The following WWOX variants were observed in gnomAD, a reference collection of about 807,000 sequenced individuals.
WWOX encodes WW domain containing oxidoreductase.
Under a neutral mutation model 46.2 loss-of-function variants are expected in WWOX, and 69 were observed. That is an observed-to-expected ratio of 1.49 (90% CI 1.23 to 1.82). The LOEUF is 1.82. WWOX is among the 40% of genes most tolerant of loss of function. The pLI is 0.00. For missense variants in WWOX, 919 were observed against 542.6 expected, an observed-to-expected ratio of 1.69 and a Z score of -6.89; for synonymous variants, 359 against 202.6, an observed-to-expected ratio of 1.77 and a Z score of -6.56.
intron 8 of WWOX, among the ~76,000 whole-genome samples, chr16:79,201,019 C>T (rs923305871): frequency 6.6e-6 from 1 of 152,124 alleles, no homozygotes; most frequent in African/African-American, 2.4e-5. Flanking sequence ...CAGGAAATGG[C>T]CAAATGTTAT....
chr16:78,630,845 G>C (rs4622523), intron 8 of WWOX, among the ~76,000 whole-genome samples: 61,450 of 150,568 alleles, frequency 0.41, 14,447 homozygotes, highest in African/African-American at 0.66. Context: ...CAAATACTGG[G>C]TGAATGAACG....
chr16:78,744,417 C>T (rs116276346), intron 8 of WWOX, among the ~76,000 whole-genome samples: 2 of 140,372 alleles, frequency 1.4e-5, no homozygotes, highest in Non-Finnish European at 3.0e-5. Flanking sequence ...CCATGGTCCA[C>T]ACTGCTTTTT....
At chr16:78,649,495 T>A (rs191429850) in intron 8 of WWOX, among the ~76,000 whole-genome samples, 1 of 152,170 alleles carries the variant, frequency 6.6e-6, no homozygotes, top group Non-Finnish European at 1.5e-5. Context: ...CAGGCTGGTG[T>A]TGAACTCCTG....
intron 8 of WWOX, among the ~76,000 whole-genome samples, chr16:78,543,101 T>C (rs947260288): frequency 7.2e-5 from 11 of 152,238 alleles, no homozygotes; most frequent in Admixed American, 2.6e-4. Context: ...ATACGACATG[T>C]CCAGTGTGGG....
At chr16:78,825,738 G>T in intron 8 of WWOX, 2 of 581,566 alleles carry the variant, frequency 3.4e-6, no homozygotes, top group Non-Finnish European at 3.3e-6. Flanking sequence ...TTTGTGGATG[G>T]CCTGATGATC....
intron 8 of WWOX, chr16:78,897,436 G>C (rs150676071): frequency 6.5e-4 from 99 of 151,952 alleles, no homozygotes; most frequent in African/African-American, 2.2e-3. Flanking sequence ...TGCTTTGTAT[G>C]TGTCGTCTTC....
chr16:79,087,061 C>T (rs2048866953), intron 8 of WWOX, among the ~76,000 whole-genome samples: 2 of 152,128 alleles, frequency 1.3e-5, no homozygotes. Flanking sequence ...CTCAGATGAC[C>T]CCAAGACCCT....
chr16:79,193,258 C>T (rs1302628445), intron 8 of WWOX, among the ~76,000 whole-genome samples: 1 of 152,196 alleles, frequency 6.6e-6, no homozygotes, highest in East Asian at 1.9e-4. Context: ...CTTGGGGGCC[C>T]TGTAAAATGA....
chr16:78,915,207 A>T (rs900824387), intron 8 of WWOX, among the ~76,000 whole-genome samples: 4 of 152,078 alleles, frequency 2.6e-5, no homozygotes, highest in Non-Finnish European at 5.9e-5. Flanking sequence ...CCCAAATCAG[A>T]TCATGATTCA....
intron 8 of WWOX, among the ~76,000 whole-genome samples, chr16:78,771,803 A>G (rs1326963138): frequency 2.0e-5 from 3 of 151,254 alleles, no homozygotes; most frequent in Admixed American, 1.3e-4. Flanking sequence ...AAATAAATAA[A>G]TAAATAAATA....
intron 5 of WWOX, among the ~76,000 whole-genome samples, chr16:78,276,656 T>C (rs2079584337): frequency 6.6e-6 from 1 of 152,226 alleles, no homozygotes; most frequent in South Asian, 2.1e-4. Context: ...AAGTCCAGTG[T>C]TTGTAGCTGT....
intron 8 of WWOX, among the ~76,000 whole-genome samples, chr16:78,791,606 G>C (rs1034110315): frequency 6.6e-6 from 1 of 152,066 alleles, no homozygotes; most frequent in African/African-American, 2.4e-5. Flanking sequence ...GGCTGGGTGC[G>C]GTGGCTCATA....
intron 8 of WWOX, among the ~76,000 whole-genome samples, chr16:78,696,688 G>T (rs186650177): frequency 9.3e-4 from 142 of 152,080 alleles, no homozygotes; most frequent in Non-Finnish European, 8.8e-5. Context: ...CCTGTTTTGG[G>T]GGGGGTACAG....
intron 8 of WWOX, among the ~76,000 whole-genome samples, chr16:78,464,162 C>T (rs2084018837): frequency 6.6e-6 from 1 of 151,904 alleles, no homozygotes; most frequent in South Asian, 2.1e-4. Context: ...ATGCTTATTG[C>T]TTAATATTGT....
chr16:78,148,915 A>G (rs1314547557), intron 4 of WWOX, among the ~76,000 whole-genome samples: 1 of 151,318 alleles, frequency 6.6e-6, no homozygotes, highest in Non-Finnish European at 1.5e-5. Context: ...AAAAAAAAAA[A>G]AAAAAAAAAA....
intron 8 of WWOX, among the ~76,000 whole-genome samples, chr16:78,963,736 C>T (rs535765732): frequency 1.3e-5 from 2 of 152,236 alleles, no homozygotes; most frequent in African/African-American, 4.8e-5. Flanking sequence ...TTGTTTTTTC[C>T]ATTTTAAGAT....
intron 8 of WWOX, among the ~76,000 whole-genome samples, chr16:78,962,248 C>G (rs925736311): frequency 1.4e-5 from 2 of 145,436 alleles, no homozygotes; most frequent in Non-Finnish European, 3.0e-5. Flanking sequence ...TTTTCTCTAT[C>G]CCATTAGCTG....
At chr16:78,602,530 C>T (rs1246901926) in intron 8 of WWOX, among the ~76,000 whole-genome samples, 1 of 152,178 alleles carries the variant, frequency 6.6e-6, no homozygotes, top group Non-Finnish European at 1.5e-5. Flanking sequence ...CCACACCCGG[C>T]CTCTTCTCGA....
intron 8 of WWOX, among the ~76,000 whole-genome samples, chr16:78,905,763 C>T (rs1006816692): frequency 1.2e-4 from 18 of 152,118 alleles, no homozygotes; most frequent in Admixed American, 6.5e-5. Flanking sequence ...AGAATAGTAT[C>T]CTATTTATAC....
Sources: gnomAD v4.1 joint callset for allele counts (sites outside exome capture counted in the v4.1 genomes callset) on GRCh38, gnomAD v4.1.1 for gene constraint, MANE v1.5 for transcripts, NCBI Gene and HGNC (gene_info 2026-07-23, HGNC 2026-07-21) for gene names.